The following PYCR1 variants were observed in gnomAD, a reference collection of about 807,000 sequenced individuals.
PYCR1 encodes the protein pyrroline-5-carboxylate reductase 1, also known as pyrroline-5-carboxylate reductase 1, mitochondrial.
Under a neutral mutation model 22.9 loss-of-function variants are expected in PYCR1, and 19 were observed. The ratio of observed to expected loss-of-function variants is 0.83; its 90% CI spans 0.58 to 1.22. The LOEUF is 1.22. PYCR1 is among the 50% of genes most tolerant of loss of function. The probability of loss-of-function intolerance (pLI) is 0.00; values close to 1 mark genes in which losing one functional copy is unlikely to be tolerated. For synonymous variants in PYCR1, 175 were observed against 180.5 expected, an observed-to-expected ratio of 0.97 and a Z score of 0.24; for missense variants, 429 against 431.3, an observed-to-expected ratio of 0.99 and a Z score of 0.05.
rs1277086333 is a variant in PYCR1, at chr17:81,937,136, GGGGTCCCCCGTCT to G, written c.-335_-323del. On this transcript the variant is annotated 5_prime_UTR_variant, in exon 1 of 7. It removes the in-frame stop codon of an upstream open reading frame in the 5' UTR. Transcript: ENST00000329875. ...GGGGAGAGGGAGGGCCCGGCGCCTA[GGGGTCCCCCGTCT>G]GGGTTCCCACCCCGCCCAGAACTGG... The G allele has an allele frequency of 2.9e-5, 42 of 1,432,148 alleles. No homozygotes were observed. The highest frequency in any genetic ancestry group is 1.2e-4 in the Admixed American group (4 of 34,584). 88.7% of individuals were successfully genotyped at this position (1,432,148 alleles called of 1,614,324 possible).
Position 81,934,323 on chromosome 17 carries a change from C to T in PYCR1, c.797+3G>A. 1 of 1,612,794 alleles carries T rather than the reference C, an allele frequency of 6.2e-7. No homozygotes were observed. The highest frequency in any genetic ancestry group is 8.5e-7 in the Non-Finnish European group (1 of 1,179,946). ...CAGGGAAGCGGGCAGCGCGGGGGCC[C>T]ACCGTGTGCGGATGCAGGAGGCCTC... is the stretch of plus-strand genomic sequence containing the variant. On this transcript the variant is annotated splice_donor_region_variant and intron_variant, in intron 6 of 6. Coordinates refer to ENST00000329875, the MANE Select transcript of PYCR1 (RefSeq NM_006907.4).
rs1404537957 is a variant in PYCR1 at position 81,934,989 on chromosome 17, G to T, written c.477C>A (p.Cys159Ter). The T allele has an allele frequency of 6.2e-7, 1 of 1,609,852 alleles. No individual in the cohort carries two copies. Among genetic ancestry groups the T allele is most frequent in the East Asian group, 2.2e-5 (1 of 44,882 alleles). ...MEQLLSSVGF[C>*]TEVEEDLIDA... is the part of the protein sequence containing the mutation. Reference sequence around the variant, plus strand: ...CAATCAGGTCCTCTTCCACCTCCGTGCAGAAGCCCACGCTGCTCAGCAGCT... The same window carrying T: ...CAATCAGGTCCTCTTCCACCTCCGTTCAGAAGCCCACGCTGCTCAGCAGCT... Residue 159 changes from cysteine (C) to a stop codon, truncating the protein, a stop_gained, in exon 4 of 7, where the codon TGC (cysteine) becomes TGA (stop). Coordinates refer to ENST00000329875, the MANE Select transcript of PYCR1 (RefSeq NM_006907.4). LOFTEE classifies it high-confidence loss of function.
At chr17:81,936,318 C>A (rs1422875730) in intron 1 of PYCR1, 125 bp from the exon 2 acceptor site, 4 of 895,770 alleles carry the variant, frequency 4.5e-6, no homozygotes, top group African/African-American at 1.7e-5. Context: ...CTCCACCTCC[C>A]GGGTTCACGC....
chr17:81,935,328 C>T lies in PYCR1; in HGVS notation c.318+9G>A, dbSNP rs369720296. ...CCCTCTCCACACCCCACTGGGCCTG[C>T]GGTGCTACCTTCTCAATGGAGCTGA... is the stretch of plus-strand genomic sequence containing the variant. On this transcript the variant is annotated intron_variant, in intron 3 of 6. Transcript: ENST00000329875. 1.5e-5 allele frequency: 24 copies of T among 1,611,368 alleles called. No individual in the cohort carries two copies. In the South Asian group the frequency reaches 1.6e-4, roughly 11 times the overall value.
Position 81,932,909 on chromosome 17 carries a change from G to T in PYCR1, c.*305C>A. The stretch of plus-strand genomic sequence containing the variant: ...GAAGGAGCCCGTGCCAGCTGATACT[G>T]GAGTAGGAGTGGGTGAAGACCCTCC... On this transcript the variant is annotated 3_prime_UTR_variant, in exon 7 of 7. Transcript: ENST00000329875. 6.2e-7 allele frequency: 1 copy of T among 1,611,714 alleles called. No individual in the cohort carries two copies. The highest frequency in any genetic ancestry group is 8.5e-7 in the Non-Finnish European group (1 of 1,179,388).
intron 3 of PYCR1, 54 bp downstream of exon 3, chr17:81,935,283 G>A (rs2041150123): frequency 8.1e-6 from 13 of 1,604,706 alleles, no homozygotes; most frequent in Non-Finnish European, 1.1e-5. Flanking sequence ...GAAGTACTGA[G>A]GGCCCGGGCT....
intron 6 of PYCR1, 23 bp from the exon 7 acceptor site, chr17:81,933,399 G>C: frequency 6.2e-7 from 1 of 1,612,864 alleles, no homozygotes; most frequent in Non-Finnish European, 8.5e-7. Flanking sequence ...GGAGAGGTTG[G>C]CTTTGGAGCA....
Position 81,933,240 on chromosome 17 carries a change from T to G in PYCR1, c.934A>C (p.Ser312Arg). 6.2e-7 allele frequency: 1 copy of G among 1,614,006 alleles called. No individual in the cohort carries two copies. The highest frequency in any genetic ancestry group is 8.5e-7 in the Non-Finnish European group (1 of 1,180,004). The change falls in exon 7 of 7, where the codon AGC (serine) becomes CGC (arginine). Residue 312 changes from serine to arginine, a missense_variant. Coordinates refer to ENST00000329875, the MANE Select transcript of PYCR1 (RefSeq NM_006907.4). ...PSGHTKLLPR[S>R]LAPAGKD ...CAATCCTTGCCCGCTGGGGCCAGGC[T>G]GCGGGGGAGCAGCTTGGTGTGGCCA... is the stretch of plus-strand genomic sequence containing the variant.
chr17:81,936,074 C>G, intron 2 of PYCR1, 49 bp downstream of exon 2: 1 of 1,601,632 alleles, frequency 6.2e-7, no homozygotes, highest in Non-Finnish European at 8.5e-7. Flanking sequence ...CCTCTCACAC[C>G]CAGCCCCACA....
In PYCR1 at chr17:81,936,917, G is replaced by A. The variant is rs2041215304; in HGVS notation, c.-103C>T. On this transcript the variant is annotated 5_prime_UTR_variant, in exon 1 of 7. Coordinates refer to ENST00000329875, the MANE Select transcript of PYCR1 (RefSeq NM_006907.4). ...AAGTTAGGGGGGCAGTGCCAGCCTG[G>A]CCGCTCCTCCCGCAGCCGGGTGCCC... The A allele has an allele frequency of 1.3e-6, 2 of 1,540,940 alleles. No homozygotes were observed. The highest frequency in any genetic ancestry group is 2.4e-5 in the East Asian group (1 of 40,954).
Position 81,935,000 on chromosome 17 carries a change from C to A in PYCR1, c.466G>T (p.Val156Leu), listed in dbSNP as rs756165046. Residue 156 changes from valine (V) to leucine (L), a missense_variant, in exon 4 of 7, where the codon GTG (valine) becomes TTG (leucine). By Grantham distance (32) the Val-to-Leu change is conservative. Coordinates refer to ENST00000329875, the MANE Select transcript of PYCR1 (RefSeq NM_006907.4). ...TCTTCCACCTCCGTGCAGAAGCCCA[C>A]GCTGCTCAGCAGCTGCTCCATGAGC... ...GRLMEQLLSSVGFCTEVEEDL... is the reference protein window; with the variant it reads ...GRLMEQLLSSLGFCTEVEEDL... 1.9e-6 allele frequency: 3 copies of A among 1,609,876 alleles called. No homozygotes were observed. The highest frequency in any genetic ancestry group is 1.3e-5 in the African/African-American group (1 of 74,890).
chr17:81,935,578 A>G, intron 2 of PYCR1, 62 bp from the exon 3 acceptor site: 1 of 1,325,736 alleles, frequency 7.5e-7, no homozygotes, highest in Non-Finnish European at 1.0e-6. Context: ...CACCAAGCCA[A>G]GAGCCCCACA....
At chr17:81,934,533 C>T (rs761821293) in intron 5 of PYCR1, 44 bp from the exon 6 acceptor site, 17 of 1,562,762 alleles carry the variant, frequency 1.1e-5, no homozygotes, top group Non-Finnish European at 1.5e-5. Context: ...ACGCACCTGC[C>T]TCTGCGGGGC....
Position 81,933,064 on chromosome 17 carries a change from G to A in PYCR1, c.*150C>T, listed in dbSNP as rs968788815. ...TTGCAGACCACAGAGATTTCCAGTG[G>A]GAAGTGATGTGGCCCCTCCCTGGCT... On this transcript the variant is annotated 3_prime_UTR_variant, in exon 7 of 7. Coordinates refer to ENST00000329875, the MANE Select transcript of PYCR1 (RefSeq NM_006907.4). 1.0e-4 allele frequency: 159 copies of A among 1,580,104 alleles called. No homozygotes were observed. Among genetic ancestry groups the A allele is most frequent in the East Asian group, 4.6e-5 (2 of 43,498 alleles).
chr17:81,932,756 C>G lies in PYCR1; in HGVS notation c.*458G>C. Reference sequence around the variant, plus strand: ...ACGCTGGACTTGGGATGCCTGGACCCTCTGGCCCTTCTCACACGGGAAGGA... The same window carrying G: ...ACGCTGGACTTGGGATGCCTGGACCGTCTGGCCCTTCTCACACGGGAAGGA... On this transcript the variant is annotated 3_prime_UTR_variant, in exon 7 of 7. Transcript: ENST00000329875. 1 of 1,382,694 alleles carries G rather than the reference C, an allele frequency of 7.2e-7. No homozygotes were observed. The highest frequency in any genetic ancestry group is 9.9e-7 in the Non-Finnish European group (1 of 1,010,662). The allele number at this position is 1,382,694 out of a possible 1,614,324, so 85.7% of individuals were successfully genotyped here. A position where few individuals can be genotyped will look rare whatever the true frequency, so the allele number is the denominator to read the frequency against.
chr17:81,935,144 G>C lies in PYCR1; in HGVS notation c.322C>G (p.Leu108Val), dbSNP rs142225075. ...CTGGGGGCTGGCCGAAACGCTGACA[G>C]CTTCTGGAAGAGAAACCAGCGTGTC... ...GVTISSIEKK[L>V]SAFRPAPRVI... is the part of the protein sequence containing the mutation. The change falls in exon 4 of 7, where the codon CTG becomes GTG. Residue 108 changes from leucine (L) to valine (V), a missense_variant. Coordinates refer to ENST00000329875, the MANE Select transcript of PYCR1 (RefSeq NM_006907.4). 2.0e-4 allele frequency: 324 copies of C among 1,605,900 alleles called. 3 individuals carry two copies. The highest frequency in any genetic ancestry group is 1.5e-4 in the Non-Finnish European group (178 of 1,179,144).
chr17:81,935,371 C>T lies in PYCR1; in HGVS notation c.284G>A (p.Cys95Tyr). 5 of 1,613,124 alleles carry T rather than the reference C, an allele frequency of 3.1e-6. No individual in the cohort carries two copies. In the South Asian group the frequency reaches 5.5e-5, roughly 18 times the overall value. The change falls in exon 3 of 7, where the codon TGC becomes TAC. Residue 95 changes from cysteine (C) to tyrosine (Y), a missense_variant. Physicochemically the swap from Cys to Tyr is radical, Grantham distance 194 (BLOSUM62 -2). Transcript: ENST00000329875. ...DIEDRHIVVS[C>Y]AAGVTISSIE... ...GGAGCTGATGGTGACGCCGGCCGCGCAGGACACCACAATGTGTCTGTCCTC... is the reference window on the plus strand; with the variant it reads ...GGAGCTGATGGTGACGCCGGCCGCGTAGGACACCACAATGTGTCTGTCCTC...
rs750677935 is a variant in PYCR1 at position 81,935,458 on chromosome 17, A to G, written c.197T>C (p.Leu66Pro). The G allele has an allele frequency of 1.9e-6, 3 of 1,613,404 alleles. No homozygotes were observed. The highest frequency in any genetic ancestry group is 2.2e-5 in the South Asian group (2 of 90,968). The change falls in exon 3 of 7, where the codon CTC becomes CCC. Residue 66 changes from leucine to proline, a missense_variant. By Grantham distance (98) the Leu-to-Pro change is moderately conservative (BLOSUM62 -3). Transcript: ENST00000329875. ...GATGTGTGGCTTCACAGCCAGGAAG[A>G]GCACATCACTGTGCTGCACCGTCTC... Reference protein sequence around the residue: ...NKETVQHSDVLFLAVKPHIIP... With the variant: ...NKETVQHSDVPFLAVKPHIIP...
chr17:81,933,077 C>T lies in PYCR1; in HGVS notation c.*137G>A, dbSNP rs1182339598. The T allele has an allele frequency of 1.3e-6, 2 of 1,585,086 alleles. No individual in the cohort carries two copies. The highest frequency in any genetic ancestry group is 8.5e-7 in the Non-Finnish European group (1 of 1,171,380). On this transcript the variant is annotated 3_prime_UTR_variant, in exon 7 of 7. Transcript: ENST00000329875. ...AGATTTCCAGTGGGAAGTGATGTGG[C>T]CCCTCCCTGGCTATGTCCCTGGCTG... is the stretch of plus-strand genomic sequence containing the variant.
Sources: gnomAD v4.1 joint callset for allele counts on GRCh38, gnomAD v4.1.1 for gene constraint, MANE v1.5 for transcripts, NCBI Gene and HGNC (gene_info 2026-07-23, HGNC 2026-07-21) for gene names.